PCDHA2: variants seen among roughly 807,000 people sequenced by gnomAD.
PCDHA2 encodes protocadherin alpha-2.
In PCDHA2, 58 loss-of-function variants were observed where a neutral mutation model predicts 66.0. That is an observed-to-expected ratio of 0.88 (90% CI 0.71 to 1.09). The LOEUF (loss-of-function observed/expected upper bound fraction) is 1.09, where lower values mean the gene tolerates loss of function less well. Ranked by LOEUF, PCDHA2 falls within the 50% of genes least tolerant of loss-of-function variation. The pLI is 0.00. For synonymous variants in PCDHA2, 634 were observed against 554.0 expected, an observed-to-expected ratio of 1.14 and a Z score of -2.03; for missense variants, 1,267 against 1,242.3, an observed-to-expected ratio of 1.02 and a Z score of -0.30.
At chr5:140,888,983 T>C (rs193278447) in intron 1 of PCDHA2, among the ~76,000 whole-genome samples, 22 of 152,266 alleles carry the variant, frequency 1.4e-4, no homozygotes, top group African/African-American at 5.1e-4. Flanking sequence ...AATTTATGAT[T>C]TATGATTTTC....
intron 1 of PCDHA2, chr5:140,870,008 G>A (rs2051578395): frequency 1.2e-6 from 2 of 1,613,528 alleles, no homozygotes; most frequent in Non-Finnish European, 1.7e-6. Flanking sequence ...GGAGAAGTGA[G>A]GGTCAATGGA....
At chr5:140,976,818 G>A (rs782290955) in intron 1 of PCDHA2, among the ~76,000 whole-genome samples, 5 of 152,208 alleles carry the variant, frequency 3.3e-5, no homozygotes, top group Admixed American at 6.5e-5. Flanking sequence ...ATATGCATGT[G>A]TCTAATGAGC....
intron 1 of PCDHA2, among the ~76,000 whole-genome samples, chr5:140,910,005 G>T (rs1554194067): frequency 1.3e-5 from 2 of 152,212 alleles, no homozygotes; most frequent in African/African-American, 4.8e-5. Flanking sequence ...ATTGTTGTCA[G>T]TGTCATCCTT....
intron 1 of PCDHA2, chr5:140,878,103 GA>G (rs748975221): frequency 2.9e-4 from 75 of 261,846 alleles, no homozygotes; most frequent in African/African-American, 1.3e-3. Context: ...GATGAACCTT[GA>G]AAAAAACAGT....
At chr5:140,801,810 A>T (rs781955396) in intron 1 of PCDHA2, 8 of 1,614,012 alleles carry the variant, frequency 5.0e-6, no homozygotes, top group Non-Finnish European at 3.4e-6. Context: ...TCGAGAGGAC[A>T]CTCCTAAGCA....
chr5:140,954,355 G>A (rs10054520), intron 1 of PCDHA2, among the ~76,000 whole-genome samples: 9 of 152,232 alleles, frequency 5.9e-5, no homozygotes, highest in African/African-American at 1.7e-4. Context: ...TTGAGGAATC[G>A]CCACACAGTC....
chr5:140,862,863 G>A (rs782640328), intron 1 of PCDHA2: 1 of 507,610 alleles, frequency 2.0e-6, no homozygotes, highest in South Asian at 1.4e-5. Flanking sequence ...GCAATGTGAC[G>A]CTGCCAGGTA....
At chr5:141,007,318 A>C (rs2098314985) in intron 3 of PCDHA2, among the ~76,000 whole-genome samples, 1 of 151,736 alleles carries the variant, frequency 6.6e-6, no homozygotes, top group South Asian at 2.1e-4. Flanking sequence ...TGGGAGGCTA[A>C]AGTGGACAGA....
At chr5:140,884,541 T>C (rs782267123) in intron 1 of PCDHA2, 17 of 1,613,862 alleles carry the variant, frequency 1.1e-5, no homozygotes, top group Non-Finnish European at 1.4e-5. Flanking sequence ...CGGCCGAGGG[T>C]GTGCTCTGGG....
intron 3 of PCDHA2, among the ~76,000 whole-genome samples, chr5:141,003,899 A>G (rs1288060303): frequency 1.3e-5 from 2 of 152,200 alleles, no homozygotes; most frequent in East Asian, 1.9e-4. Context: ...AGGCCCATTC[A>G]TTTGGGTCTT....
In PCDHA2 at chr5:140,851,814, C is replaced by G. The variant is rs1363595383; in HGVS notation, c.2388+54462C>G. On this transcript the variant is annotated intron_variant, in intron 1 of 3. Coordinates refer to ENST00000526136, the MANE Select transcript of PCDHA2 (RefSeq NM_018905.3). The stretch of plus-strand genomic sequence containing the variant: ...CTTGTTCTGTCAGTAATCCATAAGA[C>G]AGAAATCTGTTTTTTTAAAAATATC... 6 of 954,454 alleles carry G rather than the reference C, an allele frequency of 6.3e-6. 1 individual carries two copies. In the African/African-American group the frequency reaches 1.1e-4, roughly 17 times the overall value. 59.1% of individuals were successfully genotyped at this position (954,454 alleles called of 1,614,324 possible). A position where few individuals can be genotyped will look rare whatever the true frequency, so the allele number is the denominator to read the frequency against.
chr5:140,828,071 A>G (rs2150150586), intron 1 of PCDHA2: 1 of 1,566,150 alleles, frequency 6.4e-7, no homozygotes, highest in Non-Finnish European at 8.6e-7. Flanking sequence ...TCTAATGGAA[A>G]TAAAACCAGA....
At position 140,951,508 on chromosome 5, in the gene PCDHA2, G is replaced by A. The variant is rs536073969; in HGVS notation, c.2389-27441G>A. Among the ~76,000 whole-genome samples the A allele has an allele frequency of 3.9e-5, 6 of 152,080 alleles. No individual in the cohort carries two copies. The South Asian group carries it at 6.2e-4, about 16-fold the overall frequency. On this transcript the variant is annotated intron_variant, in intron 1 of 3. Coordinates refer to ENST00000526136, the MANE Select transcript of PCDHA2 (RefSeq NM_018905.3). ...TCATGGTGGAAGGCAAAAGGAAAGC[G>A]GCTCATCTTACATGGCCGGTGCAGG...
At chr5:141,004,602 G>A (rs1345777080) in intron 3 of PCDHA2, among the ~76,000 whole-genome samples, 18 of 152,298 alleles carry the variant, frequency 1.2e-4, no homozygotes, top group African/African-American at 4.1e-4. Flanking sequence ...CAGTGCTTAG[G>A]CCTCATGCAG....
chr5:140,887,391 C>T lies in PCDHA2; in HGVS notation c.2388+90039C>T, dbSNP rs181873563. ...GATTACAGGTGTGAGCCACCGCGCC[C>T]GGCTCTTTATCTCATTTTTATTTTT... On this transcript the variant is annotated intron_variant, in intron 1 of 3. Coordinates refer to ENST00000526136, the MANE Select transcript of PCDHA2 (RefSeq NM_018905.3). Among the ~76,000 whole-genome samples, 23 of 152,222 alleles carry T rather than the reference C, an allele frequency of 1.5e-4. 1 individual carries two copies. Among genetic ancestry groups the T allele is most frequent in the African/African-American group, 4.8e-4 (20 of 41,540 alleles).
intron 1 of PCDHA2, among the ~76,000 whole-genome samples, chr5:140,925,728 TAAATATTTACAGAAAGA>T (rs1554202900): frequency 6.6e-6 from 1 of 151,870 alleles, no homozygotes; most frequent in African/African-American, 2.4e-5. Context: ...TGGTGTTTTC[TAAATATTTACAGAAAGA>T]AAATTTACAG....
intron 1 of PCDHA2, chr5:140,812,129 G>A (rs1240685274): frequency 6.7e-6 from 1 of 149,138 alleles, no homozygotes; most frequent in Non-Finnish European, 1.5e-5. Flanking sequence ...CTCCAGGAAA[G>A]ATATCTGGTT....
chr5:140,823,797 G>T lies in PCDHA2; in HGVS notation c.2388+26445G>T, dbSNP rs2150129232. 3 of 1,613,840 alleles carry T rather than the reference G, an allele frequency of 1.9e-6. No individual in the cohort carries two copies. The South Asian group carries it at 3.3e-5, about 18-fold the overall frequency. ...TGTCGCTGGTGGAAAGTGGCCAGGC[G>T]CCGAAGGCCTCATCGCGGGCGTCGG... On this transcript the variant is annotated intron_variant, in intron 1 of 3. Coordinates refer to ENST00000526136, the MANE Select transcript of PCDHA2 (RefSeq NM_018905.3).
intron 1 of PCDHA2, chr5:140,847,531 C>G (rs1562439566): frequency 6.7e-6 from 1 of 149,400 alleles, no homozygotes. Context: ...GGAAAAGAAT[C>G]TCAAGCATAG....
Sources: allele counts gnomAD v4.1 joint callset (sites outside exome capture counted in the v4.1 genomes callset), GRCh38; gene constraint gnomAD v4.1.1; transcripts MANE v1.5; gene names NCBI Gene and HGNC (gene_info 2026-07-23, HGNC 2026-07-21).